Variants in SLC24A2 observed in about 807,000 individuals in gnomAD.
SLC24A2 encodes sodium/potassium/calcium exchanger 2.
In SLC24A2, 36 loss-of-function variants were observed where a neutral mutation model predicts 62.0. The observed-to-expected ratio is 0.58, with a 90% CI of 0.44 to 0.77. The LOEUF is 0.77. Ranked by LOEUF, SLC24A2 falls within the 30% of genes least tolerant of loss-of-function variation. The pLI is 0.00. For missense variants in SLC24A2, 846 were observed against 817.9 expected, an observed-to-expected ratio of 1.03 and a Z score of -0.42; for synonymous variants, 358 against 294.0, an observed-to-expected ratio of 1.22 and a Z score of -2.23.
At chr9:20,105,945 C>T in the SLC24A2 span, among the ~76,000 whole-genome samples, 53 of 151,894 alleles carry the variant, frequency 3.5e-4, no homozygotes, top group Non-Finnish European at 5.9e-4. Context: ...ATTGATAAAC[C>T]GCTGGCAAGA....
chr9:20,119,997 CGGCAGG>C, the SLC24A2 span, among the ~76,000 whole-genome samples: 1 of 152,128 alleles, frequency 6.6e-6, no homozygotes, highest in Admixed American at 6.6e-5. Flanking sequence ...TCAAGAGCAT[CGGCAGG>C]GCTGTGTTTC....
the SLC24A2 span, among the ~76,000 whole-genome samples, chr9:20,258,800 CTATCTATCTATCT>C: frequency 6.4e-4 from 82 of 128,836 alleles, no homozygotes; most frequent in African/African-American, 2.6e-3. Context: ...ATCTATCTAT[CTATCTATCTATCT>C]ACCTTATCTA....
the SLC24A2 span, among the ~76,000 whole-genome samples, chr9:19,964,710 T>G: frequency 1.6e-4 from 24 of 152,314 alleles, no homozygotes; most frequent in East Asian, 4.6e-3. Context: ...AGGGAAGCAG[T>G]GGCCATTTCT....
At chr9:19,785,816 C>T in intron 2 of SLC24A2, 121 bp downstream of exon 2, 4 of 1,290,470 alleles carry the variant, frequency 3.1e-6, no homozygotes, top group Non-Finnish European at 4.4e-6. Context: ...ACTGCAGAAT[C>T]AATCTGCTAT....
At chr9:20,168,657 C>G in the SLC24A2 span, among the ~76,000 whole-genome samples, 1 of 151,922 alleles carries the variant, frequency 6.6e-6, no homozygotes, top group Non-Finnish European at 1.5e-5. Flanking sequence ...TGAGATAACA[C>G]TTTACATCTA....
At chr9:20,163,518 G>A in the SLC24A2 span, among the ~76,000 whole-genome samples, 2 of 152,118 alleles carry the variant, frequency 1.3e-5, no homozygotes, top group Non-Finnish European at 2.9e-5. Context: ...CATGCTCATG[G>A]GTAGGAAGAA....
At chr9:20,176,186 A>T in the SLC24A2 span, among the ~76,000 whole-genome samples, 1 of 151,954 alleles carries the variant, frequency 6.6e-6, no homozygotes, top group Non-Finnish European at 1.5e-5. Context: ...TGAAGCTCAG[A>T]TTTGTTAGGT....
intron 8 of SLC24A2, among the ~76,000 whole-genome samples, chr9:19,533,552 G>C (rs958267115): frequency 3.3e-5 from 5 of 152,174 alleles, no homozygotes; most frequent in African/African-American, 1.2e-4. Context: ...GCTGCTCTCG[G>C]CACTTTGCCA....
intron 8 of SLC24A2, among the ~76,000 whole-genome samples, chr9:19,533,775 G>A (rs1255658468): frequency 6.6e-6 from 1 of 152,212 alleles, no homozygotes. Flanking sequence ...TAAGCCACTA[G>A]GTTGGGGTGG....
the SLC24A2 span, among the ~76,000 whole-genome samples, chr9:20,090,820 G>A: frequency 6.6e-6 from 1 of 152,102 alleles, no homozygotes; most frequent in Non-Finnish European, 1.5e-5. Context: ...CCAAACAACT[G>A]TACAAGTTCT....
intron 2 of SLC24A2, among the ~76,000 whole-genome samples, chr9:19,684,399 G>A (rs557145668): frequency 1.3e-5 from 2 of 152,052 alleles, no homozygotes; most frequent in Non-Finnish European, 2.9e-5. Flanking sequence ...TGCTCTTTTT[G>A]ATCAACATGA....
chr9:19,708,825 A>C (rs13286588), intron 2 of SLC24A2, among the ~76,000 whole-genome samples: 29,215 of 151,938 alleles, frequency 0.19, 2,918 homozygotes, highest in Non-Finnish European at 0.23. Flanking sequence ...CTAGGCAATA[A>C]CATTCAGGAC....
At chr9:19,689,426 A>G (rs1313539026) in intron 2 of SLC24A2, among the ~76,000 whole-genome samples, 1 of 152,184 alleles carries the variant, frequency 6.6e-6, no homozygotes, top group Non-Finnish European at 1.5e-5. Flanking sequence ...GGAGCTGCTG[A>G]AAGCATTTTG....
the SLC24A2 span, among the ~76,000 whole-genome samples, chr9:20,006,371 T>G: frequency 6.6e-6 from 1 of 151,896 alleles, no homozygotes; most frequent in Non-Finnish European, 1.5e-5. Flanking sequence ...GTACAAAATA[T>G]AACTAGATAG....
At chr9:19,740,291 G>C (rs1217062481) in intron 2 of SLC24A2, among the ~76,000 whole-genome samples, 1 of 152,146 alleles carries the variant, frequency 6.6e-6, no homozygotes, top group Non-Finnish European at 1.5e-5. Context: ...GTTCATAGTA[G>C]CATTATTTGT....
chr9:19,544,925 A>G (rs1834473139), intron 8 of SLC24A2, among the ~76,000 whole-genome samples: 1 of 151,958 alleles, frequency 6.6e-6, no homozygotes, highest in Non-Finnish European at 1.5e-5. Flanking sequence ...CTTCTCAAGG[A>G]GTATCTTTGT....
intron 8 of SLC24A2, among the ~76,000 whole-genome samples, chr9:19,543,299 T>C (rs1351953881): frequency 6.6e-6 from 1 of 152,166 alleles, no homozygotes; most frequent in African/African-American, 2.4e-5. Flanking sequence ...TTTTATTGCA[T>C]CCATTTGATT....
At chr9:19,915,423 A>G in the SLC24A2 span, among the ~76,000 whole-genome samples, 1 of 152,026 alleles carries the variant, frequency 6.6e-6, no homozygotes, top group Non-Finnish European at 1.5e-5. Flanking sequence ...GTGAACATAT[A>G]TTTTCAATTC....
At chr9:19,947,808 A>AAAAAAG in the SLC24A2 span, among the ~76,000 whole-genome samples, 4 of 59,226 alleles carry the variant, frequency 6.8e-5, no homozygotes, top group East Asian at 8.7e-4. Flanking sequence ...AAAAAAAAAA[A>AAAAAAG]AAAGAAAGAA....
Sources: allele counts gnomAD v4.1 joint callset (sites outside exome capture counted in the v4.1 genomes callset), GRCh38; gene constraint gnomAD v4.1.1; transcripts MANE v1.5; gene names NCBI Gene and HGNC (gene_info 2026-07-23, HGNC 2026-07-21).